Variants in AIDA observed in about 807,000 individuals in gnomAD.
AIDA encodes the protein axin interactor, dorsalization associated, also known as axin interactor, dorsalization-associated protein.
In AIDA, 18 loss-of-function variants were observed where a neutral mutation model predicts 42.7. The observed-to-expected ratio is 0.42, with a 90% CI of 0.29 to 0.63. The LOEUF (loss-of-function observed/expected upper bound fraction) is 0.63, where lower values mean the gene tolerates loss of function less well. Ranked by LOEUF, AIDA falls within the 20% of genes least tolerant of loss-of-function variation. The pLI, the probability that AIDA is intolerant of heterozygous loss-of-function variation, is 0.19. For synonymous variants in AIDA, 104 were observed against 122.9 expected (o/e 0.85, Z 1.02); for missense variants, 250 against 354.1 (o/e 0.71, Z 2.36).
intron 2 of AIDA, among the ~76,000 whole-genome samples, chr1:222,698,026 A>G (rs1389123386): frequency 1.3e-5 from 2 of 152,218 alleles, no homozygotes; most frequent in Admixed American, 6.5e-5. Flanking sequence ...ACTTGAGAAA[A>G]TCTACTACAC....
At chr1:222,702,923 C>A (rs1278741618) in intron 2 of AIDA, among the ~76,000 whole-genome samples, 4 of 152,208 alleles carry the variant, frequency 2.6e-5, no homozygotes, top group Non-Finnish European at 4.4e-5. Context: ...TAAGCAAAGC[C>A]TAAATGGCTG....
chr1:222,702,202 G>A (rs921094024), intron 2 of AIDA, among the ~76,000 whole-genome samples: 1 of 152,040 alleles, frequency 6.6e-6, no homozygotes, highest in African/African-American at 2.4e-5. Context: ...CTATAAATAA[G>A]AGTCAAATGA....
intron 6 of AIDA, among the ~76,000 whole-genome samples, chr1:222,678,576 A>G (rs1246879167): frequency 1.3e-5 from 2 of 152,138 alleles, no homozygotes; most frequent in African/African-American, 4.8e-5. Context: ...ACTACTAAAT[A>G]TATTTCTAAC....
intron 3 of AIDA, 119 bp from the exon 4 acceptor site, chr1:222,693,962 A>C (rs774261135): frequency 2.1e-5 from 21 of 995,176 alleles, no homozygotes; most frequent in Non-Finnish European, 2.8e-5. Flanking sequence ...CAAGGTAGAA[A>C]ATGAAAAGTC....
intron 3 of AIDA, 55 bp from the exon 4 acceptor site, chr1:222,693,898 C>T (rs1655444469): frequency 1.4e-6 from 2 of 1,387,880 alleles, no homozygotes; most frequent in African/African-American, 1.4e-5. Context: ...TCACTGCACC[C>T]TGTCTTTTAA....
chr1:222,673,909 C>A (rs911369432), intron 7 of AIDA, among the ~76,000 whole-genome samples: 2 of 152,008 alleles, frequency 1.3e-5, no homozygotes, highest in Admixed American at 6.6e-5. Flanking sequence ...CATGGGGAAA[C>A]CCCATCTCTA....
intron 2 of AIDA, 68 bp from the exon 3 acceptor site, chr1:222,694,331 A>T: frequency 1.6e-6 from 2 of 1,256,314 alleles, no homozygotes; most frequent in Non-Finnish European, 1.1e-6. Context: ...TCATCAAGTT[A>T]ATTTTTATTA....
Position 222,669,891 on chromosome 1 carries a change from G to C in AIDA, c.*2C>G. ...AGAAGTTCCAGGTTCATCATGTCAG[G>C]ATCATTCCTTGTGCAAAGTTTGATG... On this transcript the variant is annotated 3_prime_UTR_variant, in exon 10 of 10. Coordinates refer to ENST00000340020, the MANE Select transcript of AIDA (RefSeq NM_022831.4). The C allele has an allele frequency of 6.2e-7, 1 of 1,609,460 alleles. No individual in the cohort carries two copies. The highest frequency in any genetic ancestry group is 8.5e-7 in the Non-Finnish European group (1 of 1,178,158).
At position 222,712,417 on chromosome 1, in the gene AIDA, G is replaced by A; in HGVS notation, c.-100C>T. 2 of 1,452,304 alleles carry A rather than the reference G, an allele frequency of 1.4e-6. No homozygotes were observed. Among genetic ancestry groups the A allele is most frequent in the South Asian group, 1.5e-5 (1 of 68,516 alleles). The allele number at this position is 1,452,304 out of a possible 1,614,324, so 90.0% of individuals were successfully genotyped here. A position where few individuals can be genotyped will look rare whatever the true frequency, so the allele number is the denominator to read the frequency against. On this transcript the variant is annotated 5_prime_UTR_variant, in exon 1 of 10. Transcript: ENST00000340020. ...CTGGCCCCGACATTAACAGGGCCAG[G>A]AGGAACCGCTACGGCCACCACCGCC...
intron 1 of AIDA, among the ~76,000 whole-genome samples, chr1:222,708,666 C>T (rs1423304200): frequency 1.3e-5 from 2 of 152,114 alleles, no homozygotes; most frequent in African/African-American, 4.8e-5. Flanking sequence ...CCACACCCAA[C>T]CAGTTAGCAG....
At chr1:222,712,083 G>C in intron 1 of AIDA, 125 bp downstream of exon 1, 1 of 1,442,974 alleles carries the variant, frequency 6.9e-7, no homozygotes. Context: ...CTCAGCCCCA[G>C]TGCCTGCGGA....
intron 1 of AIDA, among the ~76,000 whole-genome samples, chr1:222,703,797 A>G (rs867560886): frequency 9.8e-5 from 15 of 152,338 alleles, no homozygotes; most frequent in Middle Eastern, 6.8e-3. Context: ...TAAAAATAAC[A>G]GCTAGGCCTT....
chr1:222,693,689 A>C (rs1197437361), intron 4 of AIDA, 100 bp downstream of exon 4: 6 of 1,020,968 alleles, frequency 5.9e-6, no homozygotes, highest in Non-Finnish European at 8.7e-6. Flanking sequence ...AGATATTAAC[A>C]GAAATAAATC....
In AIDA at chr1:222,689,567, A is replaced by ATG. The variant is rs1553294425; in HGVS notation, c.290-1911_290-1910dup. Among the ~76,000 whole-genome samples the ATG allele has an allele frequency of 1.9e-4, 13 of 67,504 alleles. 1 individual carries two copies. The highest frequency in any genetic ancestry group is 5.4e-4 in the Non-Finnish European group (13 of 23,958). 44.3% of individuals were successfully genotyped at this position (67,504 alleles called of 152,430 possible). Reference sequence around the variant, plus strand: ...TATATATACATATATATGTATATATATGTATATATATATACACACACACAC... The same window carrying ATG: ...TATATATACATATATATGTATATATATGTGTATATATATATACACACACACAC... On this transcript the variant is annotated intron_variant, in intron 4 of 9. Transcript: ENST00000340020.
At chr1:222,685,207 A>C (rs1463418308) in intron 6 of AIDA, among the ~76,000 whole-genome samples, 1 of 152,214 alleles carries the variant, frequency 6.6e-6, no homozygotes, top group African/African-American at 2.4e-5. Context: ...GACAAGCGTA[A>C]CAGCCACCAC....
Position 222,700,971 on chromosome 1 carries a change from T to G in AIDA, c.180+2177A>C, listed in dbSNP as rs937699561. 4.0e-3 allele frequency among the ~76,000 whole-genome samples: 417 copies of G among 104,988 alleles called. 1 individual carries two copies. Among genetic ancestry groups the G allele is most frequent in the African/African-American group, 9.8e-3 (239 of 24,464 alleles). The allele number at this position is 104,988 out of a possible 152,430, so 68.9% of individuals were successfully genotyped here. On this transcript the variant is annotated intron_variant, in intron 2 of 9. Coordinates refer to ENST00000340020, the MANE Select transcript of AIDA (RefSeq NM_022831.4). The stretch of plus-strand genomic sequence containing the variant: ...GATAGACTCATTTCTTGATTTTTTT[T>G]GGGGGGGGGGGGACAGGGTCTCACT...
At chr1:222,681,146 A>T (rs1664645883) in intron 6 of AIDA, among the ~76,000 whole-genome samples, 1 of 152,180 alleles carries the variant, frequency 6.6e-6, no homozygotes, top group Non-Finnish European at 1.5e-5. Flanking sequence ...TCCCCAAACA[A>T]GCAAAGGCCA....
chr1:222,711,682 T>A (rs1305192480), intron 1 of AIDA: 1 of 152,760 alleles, frequency 6.5e-6, no homozygotes, highest in Non-Finnish European at 1.5e-5. Flanking sequence ...TGGCCCTCGT[T>A]GCTTCCTGGG....
chr1:222,685,035 A>G (rs1664718082), intron 6 of AIDA, among the ~76,000 whole-genome samples: 1 of 152,220 alleles, frequency 6.6e-6, no homozygotes, highest in East Asian at 1.9e-4. Context: ...ACCCTATAAA[A>G]GCAAGAAAAA....
Sources: gnomAD v4.1 joint callset for allele counts (sites outside exome capture counted in the v4.1 genomes callset) on GRCh38, gnomAD v4.1.1 for gene constraint, MANE v1.5 for transcripts, NCBI Gene and HGNC (gene_info 2026-07-23, HGNC 2026-07-21) for gene names.